Variants in SLC9A4 observed in about 807,000 individuals in gnomAD.
The protein encoded by SLC9A4 is solute carrier family 9 member A4.
SLC9A4 carries 63 observed loss-of-function variants against 67.4 expected under a neutral mutation model. The observed-to-expected ratio is 0.93, with a 90% CI of 0.76 to 1.15. SLC9A4 has a LOEUF of 1.15. SLC9A4 is among the 50% of genes most tolerant of loss of function. The pLI, the probability that SLC9A4 is intolerant of heterozygous loss-of-function variation, is 0.00. For synonymous variants in SLC9A4, 393 were observed against 367.2 expected, an observed-to-expected ratio of 1.07 and a Z score of -0.80; for missense variants, 1,089 against 987.7, an observed-to-expected ratio of 1.10 and a Z score of -1.38.
intron 2 of SLC9A4, among the ~76,000 whole-genome samples, chr2:102,480,225 C>T (rs1218509613): frequency 6.6e-6 from 1 of 152,068 alleles, no homozygotes; most frequent in Non-Finnish European, 1.5e-5. Flanking sequence ...GACCTTTTCC[C>T]TCCTGTATTT....
rs190379862 is a variant in SLC9A4, at chr2:102,507,322, C to T, written c.1199-757C>T. The stretch of plus-strand genomic sequence containing the variant: ...TGAGGATGTGGAGAGTTTTATTCTA[C>T]GAAGTGAAACTCTTCTTTGATTCAT... On this transcript the variant is annotated intron_variant, in intron 4 of 11. Transcript: ENST00000295269. Among the ~76,000 whole-genome samples the T allele has an allele frequency of 9.2e-3, 1,400 of 152,326 alleles. 11 individuals are homozygous for T. The highest frequency in any genetic ancestry group is 0.013 in the Non-Finnish European group (891 of 68,034).
intron 2 of SLC9A4, among the ~76,000 whole-genome samples, chr2:102,501,478 T>C (rs1276329852): frequency 6.6e-6 from 1 of 151,312 alleles, no homozygotes; most frequent in Admixed American, 6.6e-5. Flanking sequence ...CTTCTGACCT[T>C]AGGTGACCCA....
chr2:102,526,130 C>T (rs531825983), intron 10 of SLC9A4, 129 bp from the exon 11 acceptor site: 17 of 858,990 alleles, frequency 2.0e-5, no homozygotes, highest in South Asian at 9.1e-5. Context: ...TCAGGTGATC[C>T]GCCCTCTTCT....
At chr2:102,525,248 C>T (rs1221391346) in intron 10 of SLC9A4, 93 bp downstream of exon 10, 4 of 1,554,322 alleles carry the variant, frequency 2.6e-6, no homozygotes, top group African/African-American at 2.7e-5. Context: ...ACATGCATGA[C>T]CATCGATGCT....
intron 8 of SLC9A4, 108 bp downstream of exon 8, chr2:102,514,359 AAAG>A (rs1685231791): frequency 1.5e-6 from 1 of 678,130 alleles, no homozygotes; most frequent in Non-Finnish European, 2.3e-6. Context: ...GCAGAAATAT[AAAG>A]AAGAAATTAT....
intron 9 of SLC9A4, 71 bp downstream of exon 9, chr2:102,520,026 G>T: frequency 7.8e-7 from 1 of 1,288,486 alleles, no homozygotes; most frequent in Non-Finnish European, 1.1e-6. Context: ...GGAGTCTGTT[G>T]ATGTTCAAGT....
rs976776937 is a variant in SLC9A4, at chr2:102,525,119, C to T, written c.1914C>T (p.Ser638=). The change falls in exon 10 of 12, where the codon AGC becomes AGT. Residue 638 remains serine, a synonymous_variant. Coordinates refer to ENST00000295269, the MANE Select transcript of SLC9A4 (RefSeq NM_001011552.4). ...GCCGCCAGAACACCTTAAGGGAGAG[C>T]ATGAGGAAAGGTCACAGCCTGCCCT... The part of the protein sequence containing the change: ...LIRRQNTLRE[S]MRKGHSLPWG... 1.2e-6 allele frequency: 2 copies of T among 1,613,954 alleles called. No individual in the cohort carries two copies. The highest frequency in any genetic ancestry group is 1.3e-5 in the African/African-American group (1 of 74,928).
At chr2:102,486,073 A>G (rs1418782774) in intron 2 of SLC9A4, among the ~76,000 whole-genome samples, 1 of 152,034 alleles carries the variant, frequency 6.6e-6, no homozygotes, top group Non-Finnish European at 1.5e-5. Flanking sequence ...CCTGCTTTAT[A>G]TTTTCCTGCC....
intron 11 of SLC9A4, among the ~76,000 whole-genome samples, chr2:102,531,645 C>T (rs1674780855): frequency 6.6e-6 from 1 of 152,178 alleles, no homozygotes. Flanking sequence ...CATAACTTTA[C>T]TCACCCGAAA....
intron 10 of SLC9A4, 115 bp downstream of exon 10, chr2:102,525,270 A>T: frequency 6.8e-7 from 1 of 1,481,326 alleles, no homozygotes; most frequent in Non-Finnish European, 9.1e-7. Flanking sequence ...AAACAAACAA[A>T]ACCCCACCTT....
rs185388545 is a variant in SLC9A4, at chr2:102,483,120, C to A, written c.720+3818C>A. ...GATAAAATCATAATTTTCAAGCTACCGGAGTATCTGCTGAGGACACTGCTG... is the reference window on the plus strand; with the variant it reads ...GATAAAATCATAATTTTCAAGCTACAGGAGTATCTGCTGAGGACACTGCTG... On this transcript the variant is annotated intron_variant, in intron 2 of 11. Transcript: ENST00000295269. Among the ~76,000 whole-genome samples, 413 of 152,244 alleles carry A rather than the reference C, an allele frequency of 2.7e-3. 6 individuals carry two copies. The highest frequency in any genetic ancestry group is 9.0e-3 in the African/African-American group (374 of 41,544).
chr2:102,501,964 G>A (rs1684950252), intron 2 of SLC9A4, among the ~76,000 whole-genome samples: 1 of 152,114 alleles, frequency 6.6e-6, no homozygotes, highest in South Asian at 2.1e-4. Context: ...GGCATCATCA[G>A]TTCTAGAAGG....
At position 102,503,708 on chromosome 2, in the gene SLC9A4, G is replaced by A. The variant is rs754266683; in HGVS notation, c.980+1G>A. 25 of 1,613,734 alleles carry A rather than the reference G, an allele frequency of 1.5e-5. No homozygotes were observed. The highest frequency in any genetic ancestry group is 9.9e-5 in the South Asian group (9 of 91,076). On this transcript the variant is annotated splice_donor_variant, in intron 3 of 11. Coordinates refer to ENST00000295269, the MANE Select transcript of SLC9A4 (RefSeq NM_001011552.4). LOFTEE classifies it high-confidence loss of function. ...CCCTCTATCTCTCCGGCATCCTGGC[G>A]TGAGTACAAACCAAGGATCAAGTCA... is the stretch of plus-strand genomic sequence containing the variant.
chr2:102,492,382 A>T (rs928752316), intron 2 of SLC9A4, among the ~76,000 whole-genome samples: 1 of 152,250 alleles, frequency 6.6e-6, no homozygotes, highest in Non-Finnish European at 1.5e-5. Flanking sequence ...ACATCCAGGC[A>T]TTACCATACA....
At chr2:102,495,819 A>G (rs887513699) in intron 2 of SLC9A4, among the ~76,000 whole-genome samples, 1 of 152,202 alleles carries the variant, frequency 6.6e-6, no homozygotes, top group African/African-American at 2.4e-5. Flanking sequence ...TGTGGAAAAC[A>G]TGAAAATCAC....
Position 102,532,916 on chromosome 2 carries a change from G to A in SLC9A4, c.*228G>A, listed in dbSNP as rs1674809687. The A allele has an allele frequency of 4.5e-6, 2 of 447,228 alleles. No individual in the cohort carries two copies. Among genetic ancestry groups the A allele is most frequent in the Non-Finnish European group, 8.0e-6 (2 of 250,068 alleles). The allele number at this position is 447,228 out of a possible 1,614,324, so 27.7% of individuals were successfully genotyped here. A position where few individuals can be genotyped will look rare whatever the true frequency, so the allele number is the denominator to read the frequency against. On this transcript the variant is annotated 3_prime_UTR_variant, in exon 12 of 12. Coordinates refer to ENST00000295269, the MANE Select transcript of SLC9A4 (RefSeq NM_001011552.4). ...ACCTTTAGATGAATTCCCTGTGAGTGAGAGAAGTTGATCACCCCAGGAATT... is the reference window on the plus strand; with the variant it reads ...ACCTTTAGATGAATTCCCTGTGAGTAAGAGAAGTTGATCACCCCAGGAATT...
chr2:102,513,355 T>C (rs1361516218), intron 7 of SLC9A4, among the ~76,000 whole-genome samples: 4 of 152,040 alleles, frequency 2.6e-5, no homozygotes, highest in Non-Finnish European at 5.9e-5. Context: ...CTCTGGAAAA[T>C]AAAGCAGGCG....
chr2:102,510,976 C>A lies in SLC9A4; in HGVS notation c.1489-1227C>A, dbSNP rs143666894. On this transcript the variant is annotated intron_variant, in intron 6 of 11. Coordinates refer to ENST00000295269, the MANE Select transcript of SLC9A4 (RefSeq NM_001011552.4). ...GACTTCAACTCAGTTAATGAAAGAG[C>A]ATTCTGACAATCATTTCCTGATTGG... 6.0e-3 allele frequency among the ~76,000 whole-genome samples: 907 copies of A among 152,286 alleles called. 5 individuals carry two copies. Among genetic ancestry groups the A allele is most frequent in the African/African-American group, 0.021 (870 of 41,558 alleles).
In SLC9A4 at chr2:102,503,683, C is replaced by A; in HGVS notation, c.956C>A (p.Thr319Asn). ...FSYLSYLAAE[T>N]LYLSGILAIT... ...TATTTGTCTTACTTAGCTGCTGAAA[C>A]CCTCTATCTCTCCGGCATCCTGGCG... The change falls in exon 3 of 12, where the codon ACC (threonine) becomes AAC (asparagine). Residue 319 changes from threonine to asparagine, a missense_variant. Thr to Asn is a moderately conservative substitution (Grantham distance 65). Transcript: ENST00000295269. The A allele has an allele frequency of 6.2e-7, 1 of 1,614,160 alleles. No homozygotes were observed. The highest frequency in any genetic ancestry group is 8.5e-7 in the Non-Finnish European group (1 of 1,180,028).
Sources: gnomAD v4.1 joint callset for allele counts (sites outside exome capture counted in the v4.1 genomes callset) on GRCh38, gnomAD v4.1.1 for gene constraint, MANE v1.5 for transcripts, NCBI Gene and HGNC (gene_info 2026-07-23, HGNC 2026-07-21) for gene names.